Variants in POFUT2 observed in about 807,000 individuals in gnomAD.
POFUT2 encodes GDP-fucose protein O-fucosyltransferase 2.
POFUT2 carries 30 observed loss-of-function variants against 55.0 expected under a neutral mutation model. That is an observed-to-expected ratio of 0.55 (90% CI 0.41 to 0.74). POFUT2 has a LOEUF of 0.74. Among genes scored for constraint, POFUT2 ranks in the 30% least tolerant of loss-of-function variants. POFUT2 has a pLI of 0.00. For synonymous variants in POFUT2, 267 were observed against 231.1 expected, an observed-to-expected ratio of 1.16 and a Z score of -1.41; for missense variants, 524 against 562.6, an observed-to-expected ratio of 0.93 and a Z score of 0.69.
chr21:45,272,326 G>A (rs2093225940), intron 6 of POFUT2, among the ~76,000 whole-genome samples: 1 of 152,178 alleles, frequency 6.6e-6, no homozygotes, highest in African/African-American at 2.4e-5. Context: ...ATTATATAAT[G>A]ATAAAAGGAT....
intron 8 of POFUT2, chr21:45,266,435 G>A (rs960219675): frequency 1.7e-6 from 2 of 1,172,840 alleles, no homozygotes; most frequent in African/African-American, 1.6e-5. Context: ...TCAGTGAGCT[G>A]GGCCGAGCGC....
At chr21:45,286,752 C>T (rs2031452400) in intron 1 of POFUT2, among the ~76,000 whole-genome samples, 1 of 151,816 alleles carries the variant, frequency 6.6e-6, no homozygotes, top group South Asian at 2.1e-4. Flanking sequence ...TTTCCCTGCT[C>T]TGCGCTGGTT....
At position 45,267,488 on chromosome 21, in the gene POFUT2, T is replaced by A; in HGVS notation, c.1136+102A>T. On this transcript the variant is annotated intron_variant, in intron 8 of 8. Transcript: ENST00000349485. The surrounding 1 kb of genome is among the most constrained non-coding windows in gnomAD (Gnocchi z 4.4). ...GCAAACAGTATGGAAATGACCACTG[T>A]GAACACAGGCGACCATCTGCTCTGA... 1 of 1,614,142 alleles carries A rather than the reference T, an allele frequency of 6.2e-7. No individual in the cohort carries two copies.
intron 8 of POFUT2, chr21:45,266,548 C>G: frequency 1.9e-6 from 2 of 1,076,156 alleles, no homozygotes; most frequent in Non-Finnish European, 1.1e-6. Flanking sequence ...CAGTCAAAAT[C>G]CCAAGGCCAC....
chr21:45,270,772 A>G lies in POFUT2; in HGVS notation c.832-753T>C, dbSNP rs2093212446. On this transcript the variant is annotated intron_variant, in intron 6 of 8. Transcript: ENST00000349485. The surrounding 1 kb of genome is among the most constrained non-coding windows in gnomAD (Gnocchi z 4.6). ...CAGCATCCCAGGGCCTGGTAGCCCC[A>G]CTGGGTGGCTAGACCCAGAAGAGCA... 6.6e-6 allele frequency among the ~76,000 whole-genome samples: 1 copy of G among 152,184 alleles called. No individual in the cohort carries two copies. The highest frequency in any genetic ancestry group is 2.4e-5 in the African/African-American group (1 of 41,442).
rs529841155 is a variant in POFUT2 at position 45,281,458 on chromosome 21, C to G, written c.638+891G>C. Reference sequence around the variant, plus strand: ...AGCCGGGCTGGCTGAGCAGCAGACACGCGGGCCTGTGATGGAGCCACCTGC... The same window carrying G: ...AGCCGGGCTGGCTGAGCAGCAGACAGGCGGGCCTGTGATGGAGCCACCTGC... On this transcript the variant is annotated intron_variant, in intron 4 of 8. Coordinates refer to ENST00000349485, the MANE Select transcript of POFUT2 (RefSeq NM_133635.6). The surrounding 1 kb of genome is among the most constrained non-coding windows in gnomAD (Gnocchi z 5.0). Among the ~76,000 whole-genome samples, 3 of 152,292 alleles carry G rather than the reference C, an allele frequency of 2.0e-5. No individual in the cohort carries two copies. The East Asian group carries it at 5.8e-4, about 29-fold the overall frequency.
chr21:45,265,828 C>A lies in POFUT2; in HGVS notation c.1137-193G>T. The A allele has an allele frequency of 7.1e-7, 1 of 1,403,020 alleles. No homozygotes were observed. The highest frequency in any genetic ancestry group is 9.3e-7 in the Non-Finnish European group (1 of 1,079,406). The allele number at this position is 1,403,020 out of a possible 1,614,324, so 86.9% of individuals were successfully genotyped here. On this transcript the variant is annotated intron_variant, in intron 8 of 8. Transcript: ENST00000349485. This position sits in a 1 kb window ranked among gnomAD's most constrained non-coding sequence, Gnocchi z 4.6. The stretch of plus-strand genomic sequence containing the variant: ...CCCCTCGCTCAGGTGCCCTCGACAT[C>A]GGCGCCCTGAGGGGCTCTGCCTGGT...
Position 45,284,039 on chromosome 21 carries a change from C to T in POFUT2, c.383-512G>A, listed in dbSNP as rs947015645. Among the ~76,000 whole-genome samples, 6 of 152,290 alleles carry T rather than the reference C, an allele frequency of 3.9e-5. No homozygotes were observed. Among genetic ancestry groups the T allele is most frequent in the Admixed American group, 1.3e-4 (2 of 15,298 alleles). ...CGTGCCTCTTACCCACGGCCCGACCCGCACCAAGAAGGTGGCACTGTGACG... is the reference window on the plus strand; with the variant it reads ...CGTGCCTCTTACCCACGGCCCGACCTGCACCAAGAAGGTGGCACTGTGACG... On this transcript the variant is annotated intron_variant, in intron 2 of 8. Transcript: ENST00000349485. The surrounding 1 kb of genome is among the most constrained non-coding windows in gnomAD (Gnocchi z 5.8).
In POFUT2 at chr21:45,267,491, A is replaced by T; in HGVS notation, c.1136+99T>A. The T allele has an allele frequency of 6.2e-7, 1 of 1,614,174 alleles. No individual in the cohort carries two copies. Among genetic ancestry groups the T allele is most frequent in the South Asian group, 1.1e-5 (1 of 91,086 alleles). On this transcript the variant is annotated intron_variant, in intron 8 of 8. Transcript: ENST00000349485. This position sits in a 1 kb window ranked among gnomAD's most constrained non-coding sequence, Gnocchi z 4.4. ...AACAGTATGGAAATGACCACTGTGA[A>T]CACAGGCGACCATCTGCTCTGACAC...
chr21:45,271,149 AC>A (rs1379327574), intron 6 of POFUT2, among the ~76,000 whole-genome samples: 1 of 152,110 alleles, frequency 6.6e-6, no homozygotes, highest in Admixed American at 6.5e-5. Flanking sequence ...TAAAAAAAAA[AC>A]AACAACAACA....
intron 7 of POFUT2, among the ~76,000 whole-genome samples, chr21:45,269,226 G>A (rs1174139200): frequency 2.0e-5 from 3 of 151,662 alleles, no homozygotes; most frequent in African/African-American, 4.8e-5. Flanking sequence ...GCCTCTGCCC[G>A]GCCGCCCCTA....
rs753090666 is a variant in POFUT2 at position 45,282,319 on chromosome 21, G to A, written c.638+30C>T. 3 of 1,416,474 alleles carry A rather than the reference G, an allele frequency of 2.1e-6. No individual in the cohort carries two copies. The highest frequency in any genetic ancestry group is 3.4e-5 in the Admixed American group (2 of 59,436). The allele number at this position is 1,416,474 out of a possible 1,614,324, so 87.7% of individuals were successfully genotyped here. A position where few individuals can be genotyped will look rare whatever the true frequency, so the allele number is the denominator to read the frequency against. The stretch of plus-strand genomic sequence containing the variant: ...CACGGAGCAGACGCCACAGCCTCCA[G>A]GCTGCTCCCGGGGGGCCTGGGGCAC... On this transcript the variant is annotated intron_variant, in intron 4 of 8. Transcript: ENST00000349485. The surrounding 1 kb of genome is among the most constrained non-coding windows in gnomAD (Gnocchi z 4.6).
intron 8 of POFUT2, chr21:45,266,375 A>G (rs1446734728): frequency 1.1e-5 from 14 of 1,253,936 alleles, no homozygotes; most frequent in Non-Finnish European, 1.5e-5. Context: ...ACCACCCCAC[A>G]CACAGGGGCC....
intron 7 of POFUT2, 107 bp downstream of exon 7, chr21:45,269,732 T>C: frequency 9.2e-7 from 1 of 1,089,346 alleles, no homozygotes; most frequent in Non-Finnish European, 1.3e-6. Context: ...TCCACTATTG[T>C]TCCATGACCC....
chr21:45,282,701 CG>C lies in POFUT2; in HGVS notation c.528-243del. On this transcript the variant is annotated intron_variant, in intron 3 of 8. Coordinates refer to ENST00000349485, the MANE Select transcript of POFUT2 (RefSeq NM_133635.6). This position sits in a 1 kb window ranked among gnomAD's most constrained non-coding sequence, Gnocchi z 4.6. ...CCATGATAGGGGCTGGCGGGATGGC[CG>C]GGGAGGCAGAGGGAGCCGGACAGAG... The C allele has an allele frequency of 1.8e-6, 1 of 553,376 alleles. No individual in the cohort carries two copies. 34.3% of individuals were successfully genotyped at this position (553,376 alleles called of 1,614,324 possible). A position where few individuals can be genotyped will look rare whatever the true frequency, so the allele number is the denominator to read the frequency against.
At chr21:45,283,626 C>T in intron 2 of POFUT2, 99 bp from the exon 3 acceptor site, 2 of 1,202,068 alleles carry the variant, frequency 1.7e-6, no homozygotes, top group Non-Finnish European at 2.4e-6. Context: ...CTACTGTACA[C>T]CACCCTATTC....
chr21:45,266,313 CCA>C, intron 8 of POFUT2: 1 of 1,364,732 alleles, frequency 7.3e-7, no homozygotes, highest in Admixed American at 1.9e-5. Context: ...GGCCAGCAGG[CCA>C]CACAGGCCTG....
chr21:45,278,036 ATT>A, intron 5 of POFUT2, 65 bp downstream of exon 5: 19 of 1,268,060 alleles, frequency 1.5e-5, no homozygotes, highest in Non-Finnish European at 2.2e-5. Context: ...ACTGTTTTAA[ATT>A]TTCAAAAGCT....
intron 1 of POFUT2, among the ~76,000 whole-genome samples, chr21:45,286,703 T>TC (rs1267673558): frequency 6.6e-6 from 1 of 152,090 alleles, no homozygotes; most frequent in East Asian, 1.9e-4. Flanking sequence ...CACAGACAAG[T>TC]CCCCAAGGGC....
Sources: gnomAD v4.1 joint callset for allele counts (sites outside exome capture counted in the v4.1 genomes callset) on GRCh38, gnomAD v4.1.1 for gene constraint, Gnocchi (gnomAD v3.1) non-coding constraint, MANE v1.5 for transcripts, NCBI Gene and HGNC (gene_info 2026-07-23, HGNC 2026-07-21) for gene names.